The following ALCAM variants were observed in gnomAD, a reference collection of about 807,000 sequenced individuals.
ALCAM encodes the protein activated leukocyte cell adhesion molecule, also known as CD166 antigen.
ALCAM carries 30 observed loss-of-function variants against 70.9 expected under a neutral mutation model. The ratio of observed to expected loss-of-function variants is 0.42; its 90% CI spans 0.32 to 0.57. The LOEUF is 0.57. ALCAM is among the 20% of genes least tolerant of loss of function. The pLI, the probability that ALCAM is intolerant of heterozygous loss-of-function variation, is 0.11. For missense variants in ALCAM, 591 were observed against 695.1 expected (o/e 0.85, Z 1.68); for synonymous variants, 249 against 242.5 (o/e 1.03, Z -0.25).
At chr3:105,483,672 T>C (rs1938339551) in intron 1 of ALCAM, among the ~76,000 whole-genome samples, 6 of 151,992 alleles carry the variant, frequency 3.9e-5, no homozygotes, top group Admixed American at 3.9e-4. Flanking sequence ...AAAAGATCCC[T>C]CTAAAAAAGG....
At chr3:105,448,422 A>G (rs1937346494) in intron 1 of ALCAM, among the ~76,000 whole-genome samples, 1 of 150,672 alleles carries the variant, frequency 6.6e-6, no homozygotes, top group Admixed American at 6.6e-5. Flanking sequence ...AAAACACTCC[A>G]GTAATCTTTC....
At chr3:105,442,060 T>A (rs1389100953) in intron 1 of ALCAM, among the ~76,000 whole-genome samples, 1 of 152,240 alleles carries the variant, frequency 6.6e-6, no homozygotes. Flanking sequence ...TACATATTAT[T>A]TCTTTCTATA....
At chr3:105,525,515 T>A (rs190136895) in intron 3 of ALCAM, 3 of 251,022 alleles carry the variant, frequency 1.2e-5, no homozygotes, top group East Asian at 3.6e-4. Context: ...ACTTTACAAC[T>A]TTTTCCCCTC....
At chr3:105,519,993 T>C in intron 1 of ALCAM, 74 bp from the exon 2 acceptor site, 2 of 944,626 alleles carry the variant, frequency 2.1e-6, no homozygotes, top group Non-Finnish European at 3.3e-6. Context: ...AAGTTATTTG[T>C]CATTTCAAGA....
intron 1 of ALCAM, among the ~76,000 whole-genome samples, chr3:105,423,784 C>G (rs1179150367): frequency 3.3e-5 from 5 of 151,542 alleles, no homozygotes; most frequent in African/African-American, 1.2e-4. Context: ...TTAACAAACT[C>G]TTGAGCTTGT....
intron 2 of ALCAM, 105 bp from the exon 3 acceptor site, chr3:105,524,184 A>C: frequency 1.0e-6 from 1 of 957,208 alleles, no homozygotes; most frequent in Non-Finnish European, 1.5e-6. Flanking sequence ...GTAGACAAAA[A>C]ATATAGATAT....
Position 105,524,480 on chromosome 3 carries a change from TG to T in ALCAM, c.367del (p.Glu123ArgfsTer5), listed in dbSNP as rs748382272. ...TGCTAGTAACTGAGGACAACGTGTT[TG>T]AGGCACCTACAATAGTCAAGGTGTT... ...CMLVTEDNVFEAPTIVKVFKQ... is the reference protein window; with the variant it reads ...CMLVTEDNVFXAPTIVKVFKQ... On this transcript the variant is annotated frameshift_variant, in exon 3 of 16. Coordinates refer to ENST00000306107, the MANE Select transcript of ALCAM (RefSeq NM_001627.4). LOFTEE classifies it high-confidence loss of function. 1 of 1,614,138 alleles carries T rather than the reference TG, an allele frequency of 6.2e-7. No individual in the cohort carries two copies. Among genetic ancestry groups the T allele is most frequent in the South Asian group, 1.1e-5 (1 of 91,082 alleles).
intron 15 of ALCAM, among the ~76,000 whole-genome samples, chr3:105,573,094 G>A (rs563355773): frequency 2.0e-5 from 3 of 152,300 alleles, no homozygotes; most frequent in South Asian, 2.1e-4. Context: ...GGAGGCTGAG[G>A]CGGGTGGATC....
chr3:105,482,560 A>C (rs1938302724), intron 1 of ALCAM, among the ~76,000 whole-genome samples: 1 of 152,296 alleles, frequency 6.6e-6, no homozygotes, highest in African/African-American at 2.4e-5. Context: ...AATTATATAA[A>C]AACCACCAGA....
intron 3 of ALCAM, among the ~76,000 whole-genome samples, chr3:105,525,598 C>A (rs1436973659): frequency 6.6e-6 from 1 of 152,134 alleles, no homozygotes; most frequent in Non-Finnish European, 1.5e-5. Flanking sequence ...AGAGGGCCTT[C>A]CAACTACAGC....
At chr3:105,373,079 T>C (rs1412848739) in intron 1 of ALCAM, among the ~76,000 whole-genome samples, 1 of 152,096 alleles carries the variant, frequency 6.6e-6, no homozygotes, top group East Asian at 1.9e-4. Context: ...TTTTATTACA[T>C]CATATGAGTT....
chr3:105,545,935 C>G (rs545500237), intron 9 of ALCAM, among the ~76,000 whole-genome samples: 65 of 151,500 alleles, frequency 4.3e-4, no homozygotes, highest in African/African-American at 1.4e-3. Flanking sequence ...CCTTTTATCC[C>G]TGAGCTATAG....
intron 1 of ALCAM, among the ~76,000 whole-genome samples, chr3:105,438,521 C>A (rs1201611003): frequency 6.6e-6 from 1 of 151,986 alleles, no homozygotes; most frequent in Non-Finnish European, 1.5e-5. Context: ...AAATGTTTCA[C>A]CATAGAATAG....
In ALCAM at chr3:105,550,171, T is replaced by C. The variant is rs1157596978; in HGVS notation, c.1419T>C (p.Ile473=). The change falls in exon 12 of 16, where the codon ATT becomes ATC. Residue 473 remains isoleucine (I), a synonymous_variant. Transcript: ENST00000306107. The stretch of plus-strand genomic sequence containing the variant: ...TTAATGGCAGGTATTATAGTAAAAT[T>C]ATCATTTCCCCTGAAGAGAATGTTA... ...PYINGRYYSK[I]IISPEENVTL... is the part of the protein sequence containing the mutation. The C allele has an allele frequency of 6.2e-7, 1 of 1,601,574 alleles. No homozygotes were observed. The highest frequency in any genetic ancestry group is 8.5e-7 in the Non-Finnish European group (1 of 1,170,028).
Position 105,541,776 on chromosome 3 carries a change from T to C in ALCAM, c.991+11T>C. 1 of 1,611,292 alleles carries C rather than the reference T, an allele frequency of 6.2e-7. No homozygotes were observed. The highest frequency in any genetic ancestry group is 8.5e-7 in the Non-Finnish European group (1 of 1,178,306). ...CTATCACAGTTCACTGTAAGTCACCTACTTCTTCATCAGCAGCTTCACCTC... is the reference window on the plus strand; with the variant it reads ...CTATCACAGTTCACTGTAAGTCACCCACTTCTTCATCAGCAGCTTCACCTC... On this transcript the variant is annotated intron_variant, in intron 8 of 15. Coordinates refer to ENST00000306107, the MANE Select transcript of ALCAM (RefSeq NM_001627.4).
intron 1 of ALCAM, among the ~76,000 whole-genome samples, chr3:105,454,040 A>G (rs1276455936): frequency 6.6e-6 from 1 of 152,132 alleles, no homozygotes; most frequent in South Asian, 2.1e-4. Context: ...CATTTTTCCA[A>G]TTACACAGAT....
intron 14 of ALCAM, among the ~76,000 whole-genome samples, chr3:105,560,411 G>C (rs974148927): frequency 6.6e-6 from 1 of 152,048 alleles, no homozygotes; most frequent in African/African-American, 2.4e-5. Context: ...ATTTGTAAGA[G>C]TTCTTAACAT....
At position 105,367,329 on chromosome 3, in the gene ALCAM, G is replaced by T; in HGVS notation, c.-80G>T. On this transcript the variant is annotated 5_prime_UTR_variant, in exon 1 of 16. Transcript: ENST00000306107. ...CCCCTGCGTCGGGACCCGCCAGCGC[G>T]CGGGCACCGCGGGGCCCGGGACGAC... 4 of 1,465,664 alleles carry T rather than the reference G, an allele frequency of 2.7e-6. No homozygotes were observed. The highest frequency in any genetic ancestry group is 2.8e-6 in the Non-Finnish European group (3 of 1,058,636). The allele number at this position is 1,465,664 out of a possible 1,614,324, so 90.8% of individuals were successfully genotyped here. A position where few individuals can be genotyped will look rare whatever the true frequency, so the allele number is the denominator to read the frequency against.
chr3:105,416,921 C>T (rs1411363838), intron 1 of ALCAM, among the ~76,000 whole-genome samples: 1 of 151,902 alleles, frequency 6.6e-6, no homozygotes, highest in Admixed American at 6.6e-5. Flanking sequence ...ATATTTAAGT[C>T]TGATCATGTT....
Sources: gnomAD v4.1 joint callset for allele counts (sites outside exome capture counted in the v4.1 genomes callset) on GRCh38, gnomAD v4.1.1 for gene constraint, MANE v1.5 for transcripts, NCBI Gene and HGNC (gene_info 2026-07-23, HGNC 2026-07-21) for gene names.